The following CENPK variants were observed in gnomAD, a reference collection of about 807,000 sequenced individuals.
CENPK encodes SoxLZ/Sox6-binding protein Solt.
In CENPK, 46 loss-of-function variants were observed where a neutral mutation model predicts 40.9. The ratio of observed to expected loss-of-function variants is 1.13; its 90% CI spans 0.89 to 1.44. CENPK has a LOEUF of 1.44. Ranked by LOEUF, CENPK falls within the 40% of genes most tolerant of loss-of-function variation. The probability of loss-of-function intolerance (pLI) is 0.00; values close to 1 mark genes in which losing one functional copy is unlikely to be tolerated. For missense variants in CENPK, 288 were observed against 303.5 expected (o/e 0.95, Z 0.38); for synonymous variants, 107 against 104.4 (o/e 1.02, Z -0.15).
intron 3 of CENPK, among the ~76,000 whole-genome samples, chr5:65,554,018 T>C (rs1750570684): frequency 6.6e-6 from 1 of 152,228 alleles, no homozygotes; most frequent in South Asian, 2.1e-4. Context: ...ACATTATCCA[T>C]AACATTCTAT....
At chr5:65,544,121 A>G (rs1748476731) in intron 5 of CENPK, among the ~76,000 whole-genome samples, 2 of 152,330 alleles carry the variant, frequency 1.3e-5, no homozygotes, top group Non-Finnish European at 2.9e-5. Context: ...CTTCATAGAT[A>G]GGTTTGTATT....
chr5:65,528,615 G>A, intron 8 of CENPK, 37 bp from the exon 9 acceptor site: 1 of 1,470,236 alleles, frequency 6.8e-7, no homozygotes, highest in Non-Finnish European at 9.0e-7. Flanking sequence ...ACATTTAACT[G>A]ATAAAACACA....
chr5:65,549,268 C>T (rs1749556095), intron 5 of CENPK, among the ~76,000 whole-genome samples: 1 of 152,038 alleles, frequency 6.6e-6, no homozygotes, highest in African/African-American at 2.4e-5. Context: ...GTAAACCATG[C>T]TATAAACAGG....
At chr5:65,549,601 G>A (rs1024946875) in intron 5 of CENPK, among the ~76,000 whole-genome samples, 2 of 152,146 alleles carry the variant, frequency 1.3e-5, no homozygotes, top group South Asian at 2.1e-4. Context: ...ACTTGTTGAC[G>A]CTTCTGCCTC....
At chr5:65,515,920 T>C (rs1045078367), downstream of CENPK, among the ~76,000 whole-genome samples, 1 of 152,212 alleles carries the variant, frequency 6.6e-6, no homozygotes. Context: ...AGACGAAGTC[T>C]GGGATCAGGG....
the CENPK span, among the ~76,000 whole-genome samples, chr5:65,508,120 A>G: frequency 6.6e-6 from 1 of 152,330 alleles, no homozygotes; most frequent in East Asian, 1.9e-4. Flanking sequence ...GGGTTTCTCC[A>G]CTATAAAGGT....
At chr5:65,533,917 G>A (rs994197819) in intron 6 of CENPK, among the ~76,000 whole-genome samples, 68 of 151,618 alleles carry the variant, frequency 4.5e-4, no homozygotes, top group Admixed American at 1.4e-3. Context: ...CACTAGTGGC[G>A]GATGCCTGTA....
intron 10 of CENPK, among the ~76,000 whole-genome samples, chr5:65,519,299 G>T (rs1009175169): frequency 1.3e-5 from 2 of 152,202 alleles, no homozygotes; most frequent in African/African-American, 4.8e-5. Flanking sequence ...AGCTAATGTG[G>T]ATTGAGAATC....
At chr5:65,560,164 A>G (rs1581120123) in intron 2 of CENPK, among the ~76,000 whole-genome samples, 1 of 152,098 alleles carries the variant, frequency 6.6e-6, no homozygotes, top group Non-Finnish European at 1.5e-5. Flanking sequence ...TTAATTCTGC[A>G]TGGACAAACA....
intron 9 of CENPK, among the ~76,000 whole-genome samples, chr5:65,523,170 C>A (rs1254335785): frequency 1.3e-5 from 2 of 152,174 alleles, no homozygotes; most frequent in Non-Finnish European, 2.9e-5. Context: ...AGTCTTCAAT[C>A]TGTCATCCAA....
chr5:65,562,907 C>G (rs1376487005), intron 1 of CENPK, 191 bp downstream of exon 1: 1 of 160,572 alleles, frequency 6.2e-6, no homozygotes, highest in Non-Finnish European at 1.4e-5. Context: ...CTGTCCCCAC[C>G]CTTCCATCTT....
chr5:65,521,601 A>G (rs775445311), intron 9 of CENPK, 73 bp from the exon 10 acceptor site: 14 of 1,024,312 alleles, frequency 1.4e-5, no homozygotes, highest in Admixed American at 4.3e-5. Flanking sequence ...GACTGTTTTT[A>G]TAAGACTTTT....
chr5:65,518,798 A>G (rs1169688293), intron 10 of CENPK, among the ~76,000 whole-genome samples, 165 bp from the exon 11 acceptor site: 1 of 152,186 alleles, frequency 6.6e-6, no homozygotes, highest in Non-Finnish European at 1.5e-5. Context: ...TATGGGTATT[A>G]GCTAATGAAA....
chr5:65,499,410 T>C, the CENPK span, among the ~76,000 whole-genome samples: 1 of 151,704 alleles, frequency 6.6e-6, no homozygotes, highest in Non-Finnish European at 1.5e-5. Context: ...TTTTTCCCCA[T>C]AGGTAAGGTA....
At chr5:65,505,238 A>G in the CENPK span, among the ~76,000 whole-genome samples, 1 of 152,088 alleles carries the variant, frequency 6.6e-6, no homozygotes, top group East Asian at 1.9e-4. Flanking sequence ...CCCAGCACCA[A>G]TGTCTATTGT....
chr5:65,562,957 C>T, intron 1 of CENPK, 141 bp downstream of exon 1: 1 of 184,114 alleles, frequency 5.4e-6, no homozygotes, highest in South Asian at 9.7e-5. Context: ...TGCGTTGGCG[C>T]GCGGGAAGCC....
downstream of CENPK, among the ~76,000 whole-genome samples, chr5:65,514,385 C>T (rs1282338182): frequency 6.6e-6 from 1 of 151,684 alleles, no homozygotes; most frequent in Non-Finnish European, 1.5e-5. Context: ...TTGCCTCAGC[C>T]TCCCGAGTAG....
chr5:65,497,756 G>GC, the CENPK span, among the ~76,000 whole-genome samples: 2 of 152,186 alleles, frequency 1.3e-5, no homozygotes, highest in Non-Finnish European at 2.9e-5. Context: ...TGTAATTCCA[G>GC]CACTTTTTGA....
intron 2 of CENPK, 194 bp downstream of exon 2, chr5:65,561,269 C>A: frequency 4.5e-6 from 1 of 221,246 alleles, no homozygotes; most frequent in Non-Finnish European, 9.5e-6. Context: ...TATTTTTAAG[C>A]GAAAAAGTCA....
Sources: gnomAD v4.1 joint callset for allele counts (sites outside exome capture counted in the v4.1 genomes callset) on GRCh38, gnomAD v4.1.1 for gene constraint, MANE v1.5 for transcripts, NCBI Gene and HGNC (gene_info 2026-07-23, HGNC 2026-07-21) for gene names.